Variants in KCNQ1 observed in about 807,000 individuals in gnomAD.
The protein encoded by KCNQ1 is potassium voltage-gated channel subfamily KQT member 1.
KCNQ1 carries 49 observed loss-of-function variants against 72.4 expected under a neutral mutation model. The ratio of observed to expected loss-of-function variants is 0.68; its 90% CI spans 0.54 to 0.86. KCNQ1 has a LOEUF of 0.86. Among genes scored for constraint, KCNQ1 ranks in the 40% least tolerant of loss-of-function variants. KCNQ1 has a pLI of 0.00. For missense variants in KCNQ1, 790 were observed against 945.1 expected (o/e 0.84, Z 2.15); for synonymous variants, 450 against 412.6 (o/e 1.09, Z -1.10).
At chr11:2,644,248 A>G (rs1849629454) in intron 10 of KCNQ1, 2 of 398,422 alleles carry the variant, frequency 5.0e-6, no homozygotes, top group South Asian at 1.3e-4. Flanking sequence ...GGCATCCTAT[A>G]GTCACATAGC....
chr11:2,521,437 A>C (rs1317998074), intron 1 of KCNQ1: 1 of 458,534 alleles, frequency 2.2e-6, no homozygotes, highest in East Asian at 7.1e-5. Flanking sequence ...TTTCAGACTG[A>C]CAAAACTCTT....
rs1044429136 is a variant in KCNQ1, at chr11:2,598,586, T to C, written c.1393+9732T>C. On this transcript the variant is annotated intron_variant, in intron 10 of 15. Coordinates refer to ENST00000155840, the MANE Select transcript of KCNQ1 (RefSeq NM_000218.3). This position sits in a 1 kb window ranked among gnomAD's most constrained non-coding sequence, Gnocchi z 6.2. ...GTATACATACTTATTCATTGCCTCA[T>C]TTAGGTCTGCTCTGCCCTTAGTTAA... is the stretch of plus-strand genomic sequence containing the variant. 4.0e-5 allele frequency among the ~76,000 whole-genome samples: 6 copies of C among 150,442 alleles called. No individual in the cohort carries two copies. The highest frequency in any genetic ancestry group is 1.5e-4 in the African/African-American group (6 of 40,118).
chr11:2,570,270 G>C (rs1589956234), intron 2 of KCNQ1, among the ~76,000 whole-genome samples: 1 of 151,470 alleles, frequency 6.6e-6, no homozygotes, highest in East Asian at 1.9e-4. Flanking sequence ...TCTGACCCAA[G>C]CTGGGGTTCC....
chr11:2,757,153 G>C (rs899789441), intron 11 of KCNQ1, among the ~76,000 whole-genome samples: 14 of 151,964 alleles, frequency 9.2e-5, no homozygotes, highest in African/African-American at 3.1e-4. Context: ...GATTAGAAAG[G>C]AGGATCTAAA....
At chr11:2,771,898 C>T (rs1264605316) in intron 12 of KCNQ1, among the ~76,000 whole-genome samples, 2 of 152,174 alleles carry the variant, frequency 1.3e-5, no homozygotes, top group African/African-American at 2.4e-5. Flanking sequence ...CAGGCCGGGA[C>T]CCTGAGAATG....
Position 2,526,601 on chromosome 11 carries a change from G to A in KCNQ1, c.387-1327G>A, listed in dbSNP as rs916771671. On this transcript the variant is annotated intron_variant, in intron 1 of 15. Transcript: ENST00000155840. This position sits in a 1 kb window ranked among gnomAD's most constrained non-coding sequence, Gnocchi z 6.1. ...AGCCCCACCTTCCCCAGAAACCTCC[G>A]TGCAGCAGGAGGATGAGCCGAGGCA... Among the ~76,000 whole-genome samples the A allele has an allele frequency of 6.6e-6, 1 of 151,718 alleles. No homozygotes were observed. Among genetic ancestry groups the A allele is most frequent in the African/African-American group, 2.4e-5 (1 of 41,328 alleles).
In KCNQ1 at chr11:2,599,889, G is replaced by A. The variant is rs147934656; in HGVS notation, c.1393+11035G>A. Among the ~76,000 whole-genome samples, 12 of 152,310 alleles carry A rather than the reference G, an allele frequency of 7.9e-5. No homozygotes were observed. The highest frequency in any genetic ancestry group is 2.1e-4 in the South Asian group (1 of 4,830). ...CCAAACATGCTGAGTCACGTGCCGA[G>A]GTATTAAAGACCAGGGCTTCAACTG... On this transcript the variant is annotated intron_variant, in intron 10 of 15. Transcript: ENST00000155840. This position sits in a 1 kb window ranked among gnomAD's most constrained non-coding sequence, Gnocchi z 4.7.
At position 2,677,135 on chromosome 11, in the gene KCNQ1, C is replaced by G; in HGVS notation, c.1514+15054C>G. On this transcript the variant is annotated intron_variant, in intron 11 of 15. Coordinates refer to ENST00000155840, the MANE Select transcript of KCNQ1 (RefSeq NM_000218.3). The surrounding 1 kb of genome is among the most constrained non-coding windows in gnomAD (Gnocchi z 4.5). ...ATTAGTTTCCCTGAAACATCCCTCC[C>G]TATTGAACACTGTTGTTTCTCCCTA... 1 of 398,596 alleles carries G rather than the reference C, an allele frequency of 2.5e-6. No homozygotes were observed. Among genetic ancestry groups the G allele is most frequent in the East Asian group, 3.6e-5 (1 of 28,074 alleles). 24.7% of individuals were successfully genotyped at this position (398,596 alleles called of 1,614,324 possible). A position where few individuals can be genotyped will look rare whatever the true frequency, so the allele number is the denominator to read the frequency against.
Position 2,725,247 on chromosome 11 carries a change from G to C in KCNQ1, c.1515-43597G>C, listed in dbSNP as rs146724575. ...TAAGACAAGTTCCCAGAATCCATCC[G>C]GGACAGACGGCTGGACTTGTGAAAC... On this transcript the variant is annotated intron_variant, in intron 11 of 15. Transcript: ENST00000155840. This position sits in a 1 kb window ranked among gnomAD's most constrained non-coding sequence, Gnocchi z 7.2. 6.6e-6 allele frequency among the ~76,000 whole-genome samples: 1 copy of C among 152,214 alleles called. No individual in the cohort carries two copies. Among genetic ancestry groups the C allele is most frequent in the African/African-American group, 2.4e-5 (1 of 41,446 alleles).
At chr11:2,776,107 G>A in intron 13 of KCNQ1, 53 bp downstream of exon 13, 1 of 1,439,478 alleles carries the variant, frequency 6.9e-7, no homozygotes, top group Non-Finnish European at 9.5e-7. Context: ...GCCCAGCCCG[G>A]CCCCAGCTGC....
intron 15 of KCNQ1, among the ~76,000 whole-genome samples, chr11:2,836,259 G>A (rs572261510): frequency 6.6e-6 from 1 of 152,304 alleles, no homozygotes; most frequent in Non-Finnish European, 1.5e-5. Context: ...CAAGGCGGGT[G>A]GCTTGGGGAA....
chr11:2,785,368 T>C lies in KCNQ1; in HGVS notation c.1794+7331T>C, dbSNP rs1226864356. 2.0e-5 allele frequency among the ~76,000 whole-genome samples: 3 copies of C among 151,892 alleles called. No homozygotes were observed. Among genetic ancestry groups the C allele is most frequent in the Non-Finnish European group, 4.4e-5 (3 of 67,788 alleles). ...GGCATGATATATAATCCTTTTTATA[T>C]GATGCTGGATTTGGTTTGCTAATAT... On this transcript the variant is annotated intron_variant, in intron 15 of 15. Coordinates refer to ENST00000155840, the MANE Select transcript of KCNQ1 (RefSeq NM_000218.3). The surrounding 1 kb of genome is among the most constrained non-coding windows in gnomAD (Gnocchi z 4.4).
chr11:2,620,506 G>A lies in KCNQ1; in HGVS notation c.1393+31652G>A, dbSNP rs529147136. 14 of 374,596 alleles carry A rather than the reference G, an allele frequency of 3.7e-5. No individual in the cohort carries two copies. The highest frequency in any genetic ancestry group is 1.8e-4 in the Admixed American group (4 of 21,806). The allele number at this position is 374,596 out of a possible 1,614,324, so 23.2% of individuals were successfully genotyped here. ...GCTGGGATTACAGGTGAGAGCTACC[G>A]CACCTGGCCGAATTCATTCATTTTT... On this transcript the variant is annotated intron_variant, in intron 10 of 15. Transcript: ENST00000155840. The surrounding 1 kb of genome is among the most constrained non-coding windows in gnomAD (Gnocchi z 4.5).
intron 10 of KCNQ1, chr11:2,628,166 T>C: frequency 2.5e-6 from 1 of 398,646 alleles, no homozygotes; most frequent in Non-Finnish European, 4.4e-6. Context: ...CTGAGACTGC[T>C]GGATCATATA....
chr11:2,845,223 C>T (rs1255269913), intron 15 of KCNQ1, among the ~76,000 whole-genome samples: 1 of 152,218 alleles, frequency 6.6e-6, no homozygotes, highest in Non-Finnish European at 1.5e-5. Flanking sequence ...CCCACCCTGC[C>T]CTCTGCTTTC....
intron 1 of KCNQ1, among the ~76,000 whole-genome samples, chr11:2,510,491 C>T (rs2133660924): frequency 6.6e-6 from 1 of 152,166 alleles, no homozygotes; most frequent in African/African-American, 2.4e-5. Context: ...TCTGTAGTCC[C>T]AGCTACCCTG....
In KCNQ1 at chr11:2,587,608, C is replaced by G. The variant is rs1274894357; in HGVS notation, c.1167C>G (p.Ser389=). 6.2e-7 allele frequency: 1 copy of G among 1,613,830 alleles called. No homozygotes were observed. Among genetic ancestry groups the G allele is most frequent in the African/African-American group, 1.3e-5 (1 of 74,916 alleles). ...GCTATGCTGCCGAGAACCCCGACTC[C>G]TCCACCTGGAAGATCTACATCCGGA... ...WRCYAAENPD[S]STWKIYIRKA... is the part of the protein sequence containing the mutation. The change falls in exon 9 of 16, where the codon TCC becomes TCG. Residue 389 remains serine, a synonymous_variant. Transcript: ENST00000155840.
At chr11:2,740,098 C>T (rs966796129) in intron 11 of KCNQ1, among the ~76,000 whole-genome samples, 7 of 152,166 alleles carry the variant, frequency 4.6e-5, no homozygotes, top group African/African-American at 1.7e-4. Flanking sequence ...CCCTGCATGG[C>T]GCCCAGGGTG....
rs163168 is a variant in KCNQ1 at position 2,803,115 on chromosome 11, T to C, written c.1794+25078T>C. ...CGGGAGTCAATGGTGAGGGGCAGAG[T>C]GAGCAAGGGGCTCAGGGTAGCCCAG... On this transcript the variant is annotated intron_variant, in intron 15 of 15. Coordinates refer to ENST00000155840, the MANE Select transcript of KCNQ1 (RefSeq NM_000218.3). This position sits in a 1 kb window ranked among gnomAD's most constrained non-coding sequence, Gnocchi z 6.4. 0.77 allele frequency among the ~76,000 whole-genome samples: 117,125 copies of C among 151,984 alleles called. 45,330 individuals are homozygous for C. Among genetic ancestry groups the C allele is most frequent in the South Asian group, 0.85 (4,097 of 4,818 alleles).
Sources: gnomAD v4.1 joint callset for allele counts (sites outside exome capture counted in the v4.1 genomes callset) on GRCh38, gnomAD v4.1.1 for gene constraint, Gnocchi (gnomAD v3.1) non-coding constraint, MANE v1.5 for transcripts, NCBI Gene and HGNC (gene_info 2026-07-23, HGNC 2026-07-21) for gene names.